CTNNA2: variants seen among roughly 807,000 people sequenced by gnomAD.
CTNNA2 encodes catenin alpha 2, also known as catenin alpha-2.
A neutral mutation model predicts 101.0 loss-of-function variants in CTNNA2; 42 were observed. The observed-to-expected ratio is 0.42, with a 90% CI of 0.32 to 0.54. The LOEUF (loss-of-function observed/expected upper bound fraction) is 0.54, where lower values mean the gene tolerates loss of function less well. CTNNA2 is among the 20% of genes least tolerant of loss of function. CTNNA2 has a pLI of 0.14. For synonymous variants in CTNNA2, 450 were observed against 456.4 expected (o/e 0.99, Z 0.18); for missense variants, 871 against 1,223.1 (o/e 0.71, Z 4.29).
chr2:80,516,722 C>A (rs751255685), intron 9 of CTNNA2, among the ~76,000 whole-genome samples: 15 of 152,174 alleles, frequency 9.9e-5, no homozygotes, highest in Non-Finnish European at 1.8e-4. Context: ...ATGTTTAGTT[C>A]TCTCTGTAGT....
chr2:79,574,561 T>G (rs976900605), intron 1 of CTNNA2, among the ~76,000 whole-genome samples: 11 of 152,232 alleles, frequency 7.2e-5, no homozygotes, highest in African/African-American at 2.7e-4. Context: ...TTCATTTTTA[T>G]GGCTGTGTAG....
At chr2:80,578,565 C>T (rs751508575) in intron 13 of CTNNA2, among the ~76,000 whole-genome samples, 1 of 152,162 alleles carries the variant, frequency 6.6e-6, no homozygotes, top group Non-Finnish European at 1.5e-5. Flanking sequence ...ATGCAATTAG[C>T]AAACTGCACA....
intron 9 of CTNNA2, among the ~76,000 whole-genome samples, chr2:80,462,926 AGT>A (rs1684562429): frequency 6.6e-6 from 1 of 151,876 alleles, no homozygotes. Flanking sequence ...TTTCTAGTGC[AGT>A]GTTTAACCTC....
intron 2 of CTNNA2, among the ~76,000 whole-genome samples, chr2:79,732,157 C>G (rs544937550): frequency 4.9e-4 from 75 of 151,982 alleles, no homozygotes; most frequent in African/African-American, 1.8e-3. Flanking sequence ...TGGGTTTTTA[C>G]CATAAGAAAA....
At chr2:79,475,205 CTG>C (rs1417762139) in intron 4 of CTNNA2, among the ~76,000 whole-genome samples, 2 of 151,066 alleles carry the variant, frequency 1.3e-5, no homozygotes, top group African/African-American at 4.9e-5. Flanking sequence ...TCATAGGACT[CTG>C]TGGCATACAG....
At chr2:79,785,235 AAGGCCTTAC>A in intron 3 of CTNNA2, among the ~76,000 whole-genome samples, 1 of 152,278 alleles carries the variant, frequency 6.6e-6, no homozygotes, top group East Asian at 1.9e-4. Context: ...GTGGAAGCCA[AAGGCCTTAC>A]AGGCCCCACC....
chr2:80,229,896 TC>T lies in CTNNA2; in HGVS notation c.1057-163314del, dbSNP rs1377534104. On this transcript the variant is annotated intron_variant, in intron 7 of 18. Transcript: ENST00000402739. Reference sequence around the variant, plus strand: ...GAAATTCTGGGCGCTTTAGGGGTTCTCTATATAATGTTTTGGCCAATGAGGG... The same window carrying T: ...GAAATTCTGGGCGCTTTAGGGGTTCTTATATAATGTTTTGGCCAATGAGGG... 7.9e-5 allele frequency among the ~76,000 whole-genome samples: 12 copies of T among 152,334 alleles called. No individual in the cohort carries two copies. In the East Asian group the frequency reaches 2.1e-3, roughly 27 times the overall value.
intron 7 of CTNNA2, among the ~76,000 whole-genome samples, chr2:79,930,239 T>A (rs1687295484): frequency 7.8e-6 from 1 of 127,906 alleles, no homozygotes; most frequent in African/African-American, 3.1e-5. Flanking sequence ...CGAGACTCTG[T>A]CTCAAAGAAA....
At chr2:80,257,698 T>A (rs1318648399) in intron 7 of CTNNA2, among the ~76,000 whole-genome samples, 1 of 152,198 alleles carries the variant, frequency 6.6e-6, no homozygotes, top group African/African-American at 2.4e-5. Context: ...GTGGATGTGA[T>A]TATTTTCTCC....
At chr2:79,740,709 C>G (rs17017754) in intron 2 of CTNNA2, among the ~76,000 whole-genome samples, 2,963 of 152,204 alleles carry the variant, frequency 0.019, 89 homozygotes, top group East Asian at 0.12. Context: ...GTTTAGCAGC[C>G]TCTCATTGTT....
At chr2:79,297,816 C>T (rs1048575956) in intron 2 of CTNNA2, among the ~76,000 whole-genome samples, 2 of 152,096 alleles carry the variant, frequency 1.3e-5, no homozygotes, top group African/African-American at 2.4e-5. Flanking sequence ...TTGATTTTTA[C>T]TCTTTACTTT....
intron 4 of CTNNA2, among the ~76,000 whole-genome samples, chr2:79,431,004 C>T (rs1678653900): frequency 6.6e-6 from 1 of 152,048 alleles, no homozygotes; most frequent in Non-Finnish European, 1.5e-5. Context: ...GAAAGGAAGC[C>T]AAGCATTGCT....
intron 12 of CTNNA2, among the ~76,000 whole-genome samples, chr2:80,569,594 A>AAAC (rs1433897041): frequency 4.8e-5 from 7 of 145,708 alleles, no homozygotes; most frequent in Non-Finnish European, 9.0e-5. Context: ...AGGAAGTTTG[A>AAAC]AACTTTTTCT....
chr2:79,954,914 G>C (rs1255114563), intron 7 of CTNNA2, among the ~76,000 whole-genome samples: 3 of 152,124 alleles, frequency 2.0e-5, no homozygotes, highest in Non-Finnish European at 4.4e-5. Flanking sequence ...TTTCAGAGTT[G>C]GTTGGGAGCA....
chr2:79,934,227 G>A (rs72918687), intron 7 of CTNNA2, among the ~76,000 whole-genome samples: 8,143 of 152,184 alleles, frequency 0.054, 747 homozygotes, highest in African/African-American at 0.19. Flanking sequence ...CTTTGTGTTT[G>A]AATTAAGAAG....
intron 4 of CTNNA2, among the ~76,000 whole-genome samples, chr2:79,452,850 A>C (rs1466109231): frequency 1.3e-5 from 2 of 152,064 alleles, no homozygotes; most frequent in Non-Finnish European, 2.9e-5. Context: ...TATAACTTTT[A>C]TTGATTCTAT....
At chr2:79,584,739 C>T (rs1178014376) in intron 1 of CTNNA2, among the ~76,000 whole-genome samples, 6 of 151,960 alleles carry the variant, frequency 3.9e-5, no homozygotes, top group South Asian at 2.1e-4. Context: ...AGGCTGGTCT[C>T]GAACTCCTGA....
chr2:79,868,192 G>A (rs539505750), intron 4 of CTNNA2, among the ~76,000 whole-genome samples: 140 of 152,046 alleles, frequency 9.2e-4, no homozygotes, highest in Non-Finnish European at 1.7e-3. Context: ...TTACATCATC[G>A]TTTCATATTT....
intron 1 of CTNNA2, among the ~76,000 whole-genome samples, chr2:79,611,287 G>C (rs1678252992): frequency 6.6e-6 from 1 of 152,054 alleles, no homozygotes; most frequent in Non-Finnish European, 1.5e-5. Flanking sequence ...TTGAGGGCAG[G>C]AATGTAGCTG....
Sources: gnomAD v4.1 joint callset for allele counts (sites outside exome capture counted in the v4.1 genomes callset) on GRCh38, gnomAD v4.1.1 for gene constraint, MANE v1.5 for transcripts, NCBI Gene and HGNC (gene_info 2026-07-23, HGNC 2026-07-21) for gene names.